ZNF138: variants seen among roughly 807,000 people sequenced by gnomAD.
The protein encoded by ZNF138 is zinc finger protein 138 (clone pHZ-32).
A neutral mutation model predicts 33.0 loss-of-function variants in ZNF138; 33 were observed. The ratio of observed to expected loss-of-function variants is 1.00; its 90% CI spans 0.76 to 1.34. ZNF138 has a LOEUF of 1.34. Among genes scored for constraint, ZNF138 ranks in the 40% most tolerant of loss-of-function variants. ZNF138 has a pLI of 0.00. For synonymous variants in ZNF138, 139 were observed against 120.4 expected, an observed-to-expected ratio of 1.15 and a Z score of -1.01; for missense variants, 360 against 370.8, an observed-to-expected ratio of 0.97 and a Z score of 0.24.
At chr7:64,826,642 A>C (rs1322030106) in intron 3 of ZNF138, among the ~76,000 whole-genome samples, 1 of 147,922 alleles carries the variant, frequency 6.8e-6, no homozygotes, top group African/African-American at 2.5e-5. Flanking sequence ...TTTTTTTAAA[A>C]TTTTTTTTTA....
intron 3 of ZNF138, chr7:64,830,903 T>C (rs1443970557): frequency 6.5e-7 from 1 of 1,531,544 alleles, no homozygotes; most frequent in East Asian, 2.5e-5. Flanking sequence ...TAATAGTCAG[T>C]AGTCACTTGC....
chr7:64,809,876 C>T (rs1455786517), intron 1 of ZNF138, among the ~76,000 whole-genome samples: 19 of 101,182 alleles, frequency 1.9e-4, no homozygotes, highest in East Asian at 1.3e-3. Context: ...CGGGCAGAGA[C>T]GCTCCTCACT....
intron 1 of ZNF138, among the ~76,000 whole-genome samples, chr7:64,800,290 C>A (rs945104206): frequency 6.6e-6 from 1 of 152,126 alleles, no homozygotes; most frequent in Non-Finnish European, 1.5e-5. Context: ...TGGAGAAATG[C>A]TTCCAGTTTG....
Position 64,832,886 on chromosome 7 carries a change from A to G in ZNF138, c.*684A>G. The G allele has an allele frequency of 2.5e-6, 1 of 394,660 alleles. No individual in the cohort carries two copies. The highest frequency in any genetic ancestry group is 5.1e-6 in the Non-Finnish European group (1 of 195,544). The allele number at this position is 394,660 out of a possible 1,614,324, so 24.4% of individuals were successfully genotyped here. ...TTAACCAGTTCTCACAACTTGCTAT[A>G]CATAAGATGATTCACACTTGAATGA... On this transcript the variant is annotated 3_prime_UTR_variant, in exon 4 of 4. Transcript: ENST00000307355.
rs989586431 is a variant in ZNF138 at position 64,802,261 on chromosome 7, T to C, written c.3+7690T>C. ...AAAATGTTCAGGTTAAGATAAAGGA[T>C]TGTGGAGACCAAGTTTTATTGTGGA... is the stretch of plus-strand genomic sequence containing the variant. On this transcript the variant is annotated intron_variant, in intron 1 of 3. Coordinates refer to ENST00000307355, the MANE Select transcript of ZNF138 (RefSeq NM_001271639.2). Among the ~76,000 whole-genome samples the C allele has an allele frequency of 3.9e-5, 6 of 152,248 alleles. No homozygotes were observed. In the South Asian group the frequency reaches 1.0e-3, roughly 26 times the overall value.
chr7:64,859,274 T>C, the ZNF138 span, among the ~76,000 whole-genome samples: 2 of 152,186 alleles, frequency 1.3e-5, no homozygotes, highest in Admixed American at 1.3e-4. Flanking sequence ...TGCAGAAAAT[T>C]GTATTTTATT....
At chr7:64,837,007 A>G (rs993477678), downstream of ZNF138, 1 of 152,220 alleles carries the variant, frequency 6.6e-6, no homozygotes, top group Admixed American at 6.5e-5. Context: ...GTTCGTCTAT[A>G]TAGGACAACA....
the ZNF138 span, chr7:64,852,779 C>G: frequency 2.4e-6 from 2 of 843,828 alleles, no homozygotes; most frequent in South Asian, 1.3e-5. Context: ...CAGCACATCC[C>G]CTGGTACTGC....
At chr7:64,812,827 A>G (rs1247952676) in intron 1 of ZNF138, among the ~76,000 whole-genome samples, 2 of 144,298 alleles carry the variant, frequency 1.4e-5, no homozygotes. Context: ...CCAGAGAAGA[A>G]GGAGAAAGGG....
At chr7:64,817,931 T>C (rs1352421735) in intron 3 of ZNF138, among the ~76,000 whole-genome samples, 2 of 151,856 alleles carry the variant, frequency 1.3e-5, no homozygotes, top group African/African-American at 4.8e-5. Context: ...AAAGAGGAAT[T>C]ACAGGATTTT....
chr7:64,841,372 G>A, the ZNF138 span, among the ~76,000 whole-genome samples: 5 of 152,066 alleles, frequency 3.3e-5, no homozygotes, highest in African/African-American at 9.7e-5. Flanking sequence ...ATAAGAACTC[G>A]GGATGCTTCA....
chr7:64,826,078 TAGCCC>T, intron 3 of ZNF138, among the ~76,000 whole-genome samples: 1 of 151,590 alleles, frequency 6.6e-6, no homozygotes, highest in Non-Finnish European at 1.5e-5. Flanking sequence ...ATCAAGTGAA[TAGCCC>T]CCCTTGGCCT....
chr7:64,837,116 T>C (rs531846702), downstream of ZNF138, among the ~76,000 whole-genome samples: 1 of 152,238 alleles, frequency 6.6e-6, no homozygotes, highest in East Asian at 1.9e-4. Context: ...ACATGGAGAA[T>C]TCATGCGGTA....
At chr7:64,794,806 G>T (rs1207779718) in intron 1 of ZNF138, among the ~76,000 whole-genome samples, 2 of 152,150 alleles carry the variant, frequency 1.3e-5, no homozygotes, top group Non-Finnish European at 2.9e-5. Context: ...CTGGCCTGGA[G>T]CCCTCTCTGA....
chr7:64,845,763 C>T, the ZNF138 span, among the ~76,000 whole-genome samples: 4 of 152,042 alleles, frequency 2.6e-5, no homozygotes, highest in Non-Finnish European at 4.4e-5. Flanking sequence ...GCACACTTTT[C>T]GGTGAGATTG....
chr7:64,796,927 G>C (rs1355364965), intron 1 of ZNF138, among the ~76,000 whole-genome samples: 1 of 152,190 alleles, frequency 6.6e-6, no homozygotes, highest in Non-Finnish European at 1.5e-5. Context: ...ATAGGCACCT[G>C]TAATCCCAGC....
intron 1 of ZNF138, among the ~76,000 whole-genome samples, chr7:64,797,722 T>A (rs1166241832): frequency 6.6e-6 from 1 of 152,184 alleles, no homozygotes; most frequent in Non-Finnish European, 1.5e-5. Flanking sequence ...GTTATTGTTT[T>A]GAGGCAGTTT....
chr7:64,858,961 T>C, the ZNF138 span, among the ~76,000 whole-genome samples: 1 of 152,150 alleles, frequency 6.6e-6, no homozygotes, highest in African/African-American at 2.4e-5. Flanking sequence ...TTTTTTTATA[T>C]CTTCTTTTTT....
At chr7:64,817,123 A>G (rs1283631674) in intron 3 of ZNF138, among the ~76,000 whole-genome samples, 1 of 152,198 alleles carries the variant, frequency 6.6e-6, no homozygotes, top group African/African-American at 2.4e-5. Flanking sequence ...TTTCCAGGTC[A>G]CTGTGTGGGT....
Sources: allele counts gnomAD v4.1 joint callset (sites outside exome capture counted in the v4.1 genomes callset), GRCh38; gene constraint gnomAD v4.1.1; transcripts MANE v1.5; gene names NCBI Gene and HGNC (gene_info 2026-07-23, HGNC 2026-07-21).